DYRK1A: variants seen among roughly 807,000 people sequenced by gnomAD.
DYRK1A encodes dual specificity tyrosine phosphorylation regulated kinase 1A.
In DYRK1A, 9 loss-of-function variants were observed where a neutral mutation model predicts 79.7. The ratio of observed to expected loss-of-function variants is 0.11; its 90% confidence interval spans 0.07 to 0.20. DYRK1A has a LOEUF of 0.20. Among genes scored for constraint, DYRK1A ranks in the 10% least tolerant of loss-of-function variants. The pLI is 1.00. For synonymous variants in DYRK1A, 349 were observed against 329.7 expected (o/e 1.06, Z -0.63); for missense variants, 622 against 956.0 (o/e 0.65, Z 4.61).
At chr21:37,416,598 C>T (rs2050347105) in intron 1 of DYRK1A, among the ~76,000 whole-genome samples, 1 of 151,970 alleles carries the variant, frequency 6.6e-6, no homozygotes, top group African/African-American at 2.4e-5. Context: ...TTTCTTCTGT[C>T]ACTTCTTTAA....
intron 1 of DYRK1A, among the ~76,000 whole-genome samples, chr21:37,397,944 A>C (rs1166447869): frequency 6.6e-6 from 1 of 151,986 alleles, no homozygotes; most frequent in African/African-American, 2.4e-5. Context: ...TAAATTTAAA[A>C]GTACCGTAAA....
chr21:37,450,740 A>G (rs1185946547), intron 2 of DYRK1A, among the ~76,000 whole-genome samples: 2 of 152,202 alleles, frequency 1.3e-5, no homozygotes, highest in Non-Finnish European at 2.9e-5. Flanking sequence ...TCTTTCACTC[A>G]TTCGTTTAGT....
intron 8 of DYRK1A, among the ~76,000 whole-genome samples, chr21:37,493,827 A>G (rs1191153574): frequency 6.6e-6 from 1 of 152,182 alleles, no homozygotes; most frequent in African/African-American, 2.4e-5. Flanking sequence ...GTCTATTTAT[A>G]AATGAGAAGA....
chr21:37,411,357 C>T (rs1009290095), intron 1 of DYRK1A, among the ~76,000 whole-genome samples: 4 of 143,244 alleles, frequency 2.8e-5, no homozygotes, highest in African/African-American at 5.1e-5. Context: ...CTCTGTCTCC[C>T]CCCCAACCCC....
intron 8 of DYRK1A, 27 bp from the exon 9 acceptor site, chr21:37,496,091 G>T: frequency 6.3e-7 from 1 of 1,592,642 alleles, no homozygotes; most frequent in Non-Finnish European, 8.5e-7. Flanking sequence ...GAAATTACAG[G>T]TTTTGTTGTT....
intron 1 of DYRK1A, among the ~76,000 whole-genome samples, chr21:37,414,032 A>G (rs2050290455): frequency 6.6e-6 from 1 of 152,160 alleles, no homozygotes; most frequent in Non-Finnish European, 1.5e-5. Context: ...ACCTGGTAAA[A>G]TGATGATGCA....
intron 9 of DYRK1A, among the ~76,000 whole-genome samples, chr21:37,501,166 GTTTTTTTTT>G (rs34646709): frequency 1.1e-5 from 1 of 93,996 alleles, no homozygotes; most frequent in African/African-American, 4.7e-5. Flanking sequence ...GTTGTTGTTG[GTTTTTTTTT>G]TTTTTTTTTT....
At chr21:37,470,765 A>G (rs2052194713) in intron 2 of DYRK1A, among the ~76,000 whole-genome samples, 1 of 152,256 alleles carries the variant, frequency 6.6e-6, no homozygotes, top group African/African-American at 2.4e-5. Context: ...CAGGATAAAC[A>G]TGCTTGGCAT....
chr21:37,444,435 A>G (rs1268260765), intron 2 of DYRK1A, among the ~76,000 whole-genome samples: 1 of 152,176 alleles, frequency 6.6e-6, no homozygotes, highest in Non-Finnish European at 1.5e-5. Context: ...GGCACGCATT[A>G]ATTTATTAAT....
chr21:37,507,066 C>G (rs1322796483), intron 11 of DYRK1A, among the ~76,000 whole-genome samples: 1 of 136,694 alleles, frequency 7.3e-6, no homozygotes, highest in Non-Finnish European at 1.6e-5. Flanking sequence ...TCTTAGAAAC[C>G]TTTGCCCTCC....
intron 3 of DYRK1A, among the ~76,000 whole-genome samples, chr21:37,477,601 G>T (rs955707537): frequency 4.6e-5 from 7 of 152,120 alleles, no homozygotes; most frequent in African/African-American, 1.4e-4. Context: ...TCAGGGAAGG[G>T]GACTGTGAGG....
At chr21:37,477,295 A>AG (rs552132911) in intron 3 of DYRK1A, among the ~76,000 whole-genome samples, 50 of 152,282 alleles carry the variant, frequency 3.3e-4, no homozygotes, top group Admixed American at 3.1e-3. Context: ...AAGATGGGCC[A>AG]GGGGGAATGG....
At chr21:37,391,710 C>G (rs2049873481) in intron 1 of DYRK1A, among the ~76,000 whole-genome samples, 1 of 152,186 alleles carries the variant, frequency 6.6e-6, no homozygotes, top group Non-Finnish European at 1.5e-5. Context: ...TATTCAGATT[C>G]TCTTGATAAC....
At position 37,490,071 on chromosome 21, in the gene DYRK1A, T is replaced by A. The variant is rs4817865; in HGVS notation, c.638-104T>A. 0.49 allele frequency: 565,120 copies of A among 1,162,084 alleles called. 140,227 individuals are homozygous for A. Among genetic ancestry groups the A allele is most frequent in the East Asian group, 0.56 (22,613 of 40,348 alleles). 72.0% of individuals were successfully genotyped at this position (1,162,084 alleles called of 1,614,324 possible). A position where few individuals can be genotyped will look rare whatever the true frequency, so the allele number is the denominator to read the frequency against. ...TGATCTCCAAACTTTAACTGAACTC[T>A]GCATTTGATGTAATAATGTTATAGA... On this transcript the variant is annotated intron_variant, in intron 6 of 11. Transcript: ENST00000647188.
At chr21:37,496,621 A>C (rs950145383) in intron 9 of DYRK1A, among the ~76,000 whole-genome samples, 1 of 152,190 alleles carries the variant, frequency 6.6e-6, no homozygotes, top group Non-Finnish European at 1.5e-5. Context: ...GCAGCTGTGA[A>C]CAGAAGTCAC....
chr21:37,380,572 A>G (rs188055713), intron 1 of DYRK1A, among the ~76,000 whole-genome samples: 1 of 152,294 alleles, frequency 6.6e-6, no homozygotes, highest in East Asian at 1.9e-4. Context: ...GACAGTTTGT[A>G]GGAAGGCTGT....
At chr21:37,490,559 T>A in intron 7 of DYRK1A, 98 bp downstream of exon 7, 1 of 1,068,678 alleles carries the variant, frequency 9.4e-7, no homozygotes, top group Non-Finnish European at 1.2e-6. Context: ...ATTGCGGTTT[T>A]CGCCATTGCA....
At chr21:37,480,344 C>T (rs959053199) in intron 4 of DYRK1A, among the ~76,000 whole-genome samples, 1 of 152,098 alleles carries the variant, frequency 6.6e-6, no homozygotes, top group Non-Finnish European at 1.5e-5. Flanking sequence ...ATCTGTGCCA[C>T]CTCACTGTAT....
At chr21:37,383,701 A>G (rs1196650793) in intron 1 of DYRK1A, among the ~76,000 whole-genome samples, 5 of 152,220 alleles carry the variant, frequency 3.3e-5, no homozygotes, top group African/African-American at 1.2e-4. Flanking sequence ...GACAAGATTG[A>G]CAAGGTCCCT....
Sources: allele counts gnomAD v4.1 joint callset (sites outside exome capture counted in the v4.1 genomes callset), GRCh38; gene constraint gnomAD v4.1.1; transcripts MANE v1.5; gene names NCBI Gene and HGNC (gene_info 2026-07-23, HGNC 2026-07-21).